PARD3B: variants seen among roughly 807,000 people sequenced by gnomAD.
The protein encoded by PARD3B is partitioning defective 3 homolog B.
PARD3B carries 103 observed loss-of-function variants against 130.2 expected under a neutral mutation model. That is an observed-to-expected ratio of 0.79 (90% CI 0.67 to 0.93). The LOEUF (loss-of-function observed/expected upper bound fraction) is 0.93, where lower values mean the gene tolerates loss of function less well. Ranked by LOEUF, PARD3B falls within the 40% of genes least tolerant of loss-of-function variation. The pLI, the probability that PARD3B is intolerant of heterozygous loss-of-function variation, is 0.00. For missense variants in PARD3B, 1,609 were observed against 1,499.2 expected, an observed-to-expected ratio of 1.07 and a Z score of -1.21; for synonymous variants, 583 against 553.2, an observed-to-expected ratio of 1.05 and a Z score of -0.76.
At chr2:204,683,785 AT>A (rs1354011316) in intron 1 of PARD3B, among the ~76,000 whole-genome samples, 1 of 152,192 alleles carries the variant, frequency 6.6e-6, no homozygotes, top group African/African-American at 2.4e-5. Flanking sequence ...GGGAGTTCAA[AT>A]TGTAGTCTTT....
intron 2 of PARD3B, among the ~76,000 whole-genome samples, chr2:204,854,039 G>A (rs965259191): frequency 6.6e-6 from 1 of 152,042 alleles, no homozygotes; most frequent in African/African-American, 2.4e-5. Context: ...GGCATTTTTG[G>A]TAGAGAGAGG....
At chr2:205,103,006 T>TGCA (rs1702894048) in intron 4 of PARD3B, among the ~76,000 whole-genome samples, 1 of 151,936 alleles carries the variant, frequency 6.6e-6, no homozygotes, top group Admixed American at 6.6e-5. Flanking sequence ...AGGCGGAGGT[T>TGCA]GCAGTGAGCC....
chr2:205,221,392 A>G (rs1233515652), intron 15 of PARD3B, among the ~76,000 whole-genome samples: 1 of 152,146 alleles, frequency 6.6e-6, no homozygotes, highest in Non-Finnish European at 1.5e-5. Context: ...TAGTACGAAA[A>G]ACGACTTCAG....
chr2:204,570,908 T>TC (rs1308657359), intron 1 of PARD3B, among the ~76,000 whole-genome samples: 1 of 149,488 alleles, frequency 6.7e-6, no homozygotes, highest in Non-Finnish European at 1.5e-5. Context: ...TATAAGCTGT[T>TC]GTAACTGAGG....
chr2:205,615,438 C>T lies in PARD3B; in HGVS notation c.3261-18C>T. 6.4e-7 allele frequency: 1 copy of T among 1,561,226 alleles called. No individual in the cohort carries two copies. Among genetic ancestry groups the T allele is most frequent in the Non-Finnish European group, 8.7e-7 (1 of 1,153,484 alleles). ...CAGCTTAGGAGCTGCTAACATGTGT[C>T]TCTTCTTCTCTTTCCAGGGGAGGAC... On this transcript the variant is annotated intron_variant, in intron 22 of 22. Transcript: ENST00000406610.
intron 3 of PARD3B, among the ~76,000 whole-genome samples, chr2:205,022,051 A>G (rs1696651191): frequency 6.6e-6 from 1 of 152,202 alleles, no homozygotes; most frequent in Non-Finnish European, 1.5e-5. Flanking sequence ...TCTTTTTAGT[A>G]ATTATTTGCT....
At chr2:204,615,852 A>G (rs971208733) in intron 1 of PARD3B, among the ~76,000 whole-genome samples, 1 of 152,172 alleles carries the variant, frequency 6.6e-6, no homozygotes, top group Non-Finnish European at 1.5e-5. Flanking sequence ...CTTTATAGGT[A>G]CACTTCATTT....
At chr2:204,830,916 G>A (rs1169889019) in intron 2 of PARD3B, among the ~76,000 whole-genome samples, 5 of 152,132 alleles carry the variant, frequency 3.3e-5, no homozygotes, top group African/African-American at 7.2e-5. Context: ...TTTAGATTTG[G>A]TAAGCAAATG....
rs951162875 is a variant in PARD3B at position 205,253,912 on chromosome 2, C to G, written c.2185+8090C>G. Reference sequence around the variant, plus strand: ...AATTAAGAAAACAAAAACAAAAACACCACAGAGGTGGTTTGAAAGAAGAGG... The same window carrying G: ...AATTAAGAAAACAAAAACAAAAACAGCACAGAGGTGGTTTGAAAGAAGAGG... On this transcript the variant is annotated intron_variant, in intron 16 of 22. Coordinates refer to ENST00000406610, the MANE Select transcript of PARD3B (RefSeq NM_001302769.2). This position sits in a 1 kb window ranked among gnomAD's most constrained non-coding sequence, Gnocchi z 4.4. Among the ~76,000 whole-genome samples the G allele has an allele frequency of 6.6e-6, 1 of 151,836 alleles. No homozygotes were observed. The highest frequency in any genetic ancestry group is 1.5e-5 in the Non-Finnish European group (1 of 67,932).
Position 205,562,865 on chromosome 2 carries a change from C to G in PARD3B, c.3260+9462C>G, listed in dbSNP as rs1282678085. Among the ~76,000 whole-genome samples, 1 of 152,130 alleles carries G rather than the reference C, an allele frequency of 6.6e-6. No homozygotes were observed. Among genetic ancestry groups the G allele is most frequent in the Non-Finnish European group, 1.5e-5 (1 of 68,030 alleles). ...CTCCTCCTGTCTTCTCTGACTCCAG[C>G]CATTTGCACTGTCCCTTGATTCAAG... On this transcript the variant is annotated intron_variant, in intron 22 of 22. Coordinates refer to ENST00000406610, the MANE Select transcript of PARD3B (RefSeq NM_001302769.2). This position sits in a 1 kb window ranked among gnomAD's most constrained non-coding sequence, Gnocchi z 5.4.
In PARD3B at chr2:205,405,846, T is replaced by G. The variant is rs980303313; in HGVS notation, c.2741+4723T>G. ...ATACACAGGATGTGGAAGGTTTGATTTAATAACAAATATATGAAACATTTG... is the reference window on the plus strand; with the variant it reads ...ATACACAGGATGTGGAAGGTTTGATGTAATAACAAATATATGAAACATTTG... On this transcript the variant is annotated intron_variant, in intron 19 of 22. Coordinates refer to ENST00000406610, the MANE Select transcript of PARD3B (RefSeq NM_001302769.2). The surrounding 1 kb of genome is among the most constrained non-coding windows in gnomAD (Gnocchi z 4.1). Among the ~76,000 whole-genome samples, 2 of 152,222 alleles carry G rather than the reference T, an allele frequency of 1.3e-5. No homozygotes were observed. Among genetic ancestry groups the G allele is most frequent in the African/African-American group, 4.8e-5 (2 of 41,458 alleles).
At position 205,433,532 on chromosome 2, in the gene PARD3B, CAAAAAAAAA is replaced by C. The variant is rs34275307; in HGVS notation, c.2742-6825_2742-6817del. On this transcript the variant is annotated intron_variant, in intron 19 of 22. Transcript: ENST00000406610. ...GGGCAACAAGAGCAAGACTCTGTGTCAAAAAAAAAAAAAAAAAAAAAGGTAAATTGAGGT... is the reference window on the plus strand; with the variant it reads ...GGGCAACAAGAGCAAGACTCTGTGTCAAAAAAAAAAAAGGTAAATTGAGGT... Among the ~76,000 whole-genome samples the C allele has an allele frequency of 1.3e-3, 139 of 110,254 alleles. 2 individuals are homozygous for C. Among genetic ancestry groups the C allele is most frequent in the African/African-American group, 4.6e-3 (131 of 28,598 alleles). The allele number at this position is 110,254 out of a possible 152,430, so 72.3% of individuals were successfully genotyped here.
At chr2:205,096,140 A>G (rs1702380446) in intron 4 of PARD3B, among the ~76,000 whole-genome samples, 1 of 152,130 alleles carries the variant, frequency 6.6e-6, no homozygotes, top group Non-Finnish European at 1.5e-5. Flanking sequence ...CTCTTAATTG[A>G]TCTGTTGGGG....
intron 1 of PARD3B, among the ~76,000 whole-genome samples, chr2:204,666,486 G>A (rs1176574853): frequency 1.3e-5 from 2 of 152,128 alleles, no homozygotes; most frequent in African/African-American, 2.4e-5. Flanking sequence ...AAAGTGAGTC[G>A]ATGTAGAGAA....
intron 3 of PARD3B, among the ~76,000 whole-genome samples, chr2:204,981,153 CTGTT>C (rs2125209061): frequency 6.6e-6 from 1 of 152,218 alleles, no homozygotes; most frequent in East Asian, 1.9e-4. Flanking sequence ...TGTTGGAAAA[CTGTT>C]TGAGTATCCA....
intron 14 of PARD3B, among the ~76,000 whole-genome samples, chr2:205,189,146 T>C (rs2036257404): frequency 6.6e-6 from 1 of 151,212 alleles, no homozygotes; most frequent in South Asian, 2.1e-4. Context: ...CATATTCTCT[T>C]TCTCTCTCTC....
intron 2 of PARD3B, among the ~76,000 whole-genome samples, chr2:204,803,664 T>C (rs1358478653): frequency 6.6e-6 from 1 of 152,152 alleles, no homozygotes; most frequent in East Asian, 1.9e-4. Context: ...TGTAAGATAC[T>C]ATTTTCAAGC....
At chr2:205,368,867 A>G (rs1456815307) in intron 18 of PARD3B, among the ~76,000 whole-genome samples, 1 of 152,050 alleles carries the variant, frequency 6.6e-6, no homozygotes, top group Admixed American at 6.6e-5. Flanking sequence ...AAACAAAAAA[A>G]AAAAAAACAC....
At chr2:204,998,622 T>A (rs1694554507) in intron 3 of PARD3B, among the ~76,000 whole-genome samples, 1 of 150,936 alleles carries the variant, frequency 6.6e-6, no homozygotes, top group Non-Finnish European at 1.5e-5. Flanking sequence ...TCACTAAAAG[T>A]TTTTGATATA....
Sources: gnomAD v4.1 joint callset for allele counts (sites outside exome capture counted in the v4.1 genomes callset) on GRCh38, gnomAD v4.1.1 for gene constraint, Gnocchi (gnomAD v3.1) non-coding constraint, MANE v1.5 for transcripts, NCBI Gene and HGNC (gene_info 2026-07-23, HGNC 2026-07-21) for gene names.